The following SNTG2 variants were observed in gnomAD, a reference collection of about 807,000 sequenced individuals.
SNTG2 encodes gamma-2-syntrophin.
SNTG2 carries 74 observed loss-of-function variants against 70.9 expected under a neutral mutation model. The observed-to-expected ratio is 1.04, with a 90% CI of 0.86 to 1.27. SNTG2 has a LOEUF of 1.27. SNTG2 is among the 50% of genes most tolerant of loss of function. SNTG2 has a pLI of 0.00. For missense variants in SNTG2, 717 were observed against 690.7 expected, an observed-to-expected ratio of 1.04 and a Z score of -0.43; for synonymous variants, 278 against 273.8, an observed-to-expected ratio of 1.02 and a Z score of -0.15.
chr2:1,268,102 A>G (rs1277028467), intron 14 of SNTG2, among the ~76,000 whole-genome samples: 1 of 152,202 alleles, frequency 6.6e-6, no homozygotes, highest in Non-Finnish European at 1.5e-5. Flanking sequence ...TTGAATGTAT[A>G]CCATGTGAAG....
At chr2:1,295,536 A>G (rs569595581) in intron 14 of SNTG2, among the ~76,000 whole-genome samples, 16 of 152,362 alleles carry the variant, frequency 1.1e-4, no homozygotes, top group Admixed American at 2.0e-4. Context: ...TTCGAGTGAC[A>G]TAGGAATGAC....
intron 9 of SNTG2, 33 bp from the exon 10 acceptor site, chr2:1,237,855 C>A: frequency 6.3e-7 from 1 of 1,576,588 alleles, no homozygotes; most frequent in Non-Finnish European, 8.6e-7. Flanking sequence ...CCCGTCGCTG[C>A]GGGGCCTCCT....
At chr2:1,084,476 T>G (rs991867797) in intron 2 of SNTG2, among the ~76,000 whole-genome samples, 2 of 152,078 alleles carry the variant, frequency 1.3e-5, no homozygotes, top group Admixed American at 6.5e-5. Context: ...GCCCTCCTGC[T>G]CCCCAACATG....
intron 6 of SNTG2, chr2:1,163,687 T>C (rs765487548): frequency 6.6e-6 from 1 of 152,332 alleles, no homozygotes; most frequent in Non-Finnish European, 1.5e-5. Flanking sequence ...TTTCTGCAGA[T>C]GTGTTTCCAG....
chr2:1,106,036 C>G (rs553878065), intron 4 of SNTG2, among the ~76,000 whole-genome samples: 2 of 148,028 alleles, frequency 1.4e-5, no homozygotes, highest in African/African-American at 2.5e-5. Flanking sequence ...TGCTGTCACT[C>G]GGGTGCAGGG....
At chr2:1,074,080 CAGTA>C (rs1663759597) in intron 1 of SNTG2, among the ~76,000 whole-genome samples, 1 of 152,198 alleles carries the variant, frequency 6.6e-6, no homozygotes, top group Non-Finnish European at 1.5e-5. Flanking sequence ...TTCCCAGACT[CAGTA>C]AGTGGCTGGT....
At chr2:1,145,980 G>A (rs546674744) in intron 6 of SNTG2, among the ~76,000 whole-genome samples, 27 of 152,122 alleles carry the variant, frequency 1.8e-4, no homozygotes, top group Non-Finnish European at 3.4e-4. Flanking sequence ...TGCAGGAAAA[G>A]CATTCCACAA....
chr2:982,907 G>T (rs930074105), intron 1 of SNTG2, among the ~76,000 whole-genome samples: 1 of 152,108 alleles, frequency 6.6e-6, no homozygotes, highest in Non-Finnish European at 1.5e-5. Context: ...GGGAATCTGT[G>T]CAACAAATGG....
chr2:1,205,794 T>A (rs1673597710), intron 8 of SNTG2, among the ~76,000 whole-genome samples: 2 of 152,156 alleles, frequency 1.3e-5, no homozygotes, highest in African/African-American at 4.8e-5. Flanking sequence ...TTGGGAAATG[T>A]TTTTCTCTAA....
intron 1 of SNTG2, among the ~76,000 whole-genome samples, chr2:1,036,991 TG>T (rs67961237): frequency 0.44 from 66,518 of 152,058 alleles, 15,656 homozygotes; most frequent in African/African-American, 0.61. Flanking sequence ...GAGGGCAGTA[TG>T]GGGTGGACTC....
intron 4 of SNTG2, chr2:1,103,364 A>G: frequency 3.5e-6 from 1 of 285,272 alleles, no homozygotes; most frequent in South Asian, 3.4e-5. Context: ...TCAAATAAAT[A>G]ATGATTATAA....
At chr2:1,174,977 T>C (rs994709624) in intron 8 of SNTG2, among the ~76,000 whole-genome samples, 1 of 152,206 alleles carries the variant, frequency 6.6e-6, no homozygotes, top group African/African-American at 2.4e-5. Context: ...TAACTTGGCT[T>C]TTTCATTTTG....
chr2:1,312,570 G>C (rs1035818865), intron 15 of SNTG2, among the ~76,000 whole-genome samples: 1 of 152,232 alleles, frequency 6.6e-6, no homozygotes, highest in African/African-American at 2.4e-5. Context: ...CATACGTGTA[G>C]GACCAAGAGC....
At chr2:1,126,163 C>T (rs1667687169) in intron 4 of SNTG2, among the ~76,000 whole-genome samples, 1 of 152,160 alleles carries the variant, frequency 6.6e-6, no homozygotes. Context: ...CTCCCCTTCC[C>T]AACATCTAGT....
intron 1 of SNTG2, among the ~76,000 whole-genome samples, chr2:952,311 A>T (rs553486674): frequency 7.9e-5 from 12 of 152,202 alleles, no homozygotes; most frequent in Non-Finnish European, 1.5e-4. Context: ...CAGCTTTATA[A>T]TGATGCCCTC....
chr2:997,343 G>A (rs965667620), intron 1 of SNTG2, among the ~76,000 whole-genome samples: 12 of 151,854 alleles, frequency 7.9e-5, no homozygotes, highest in African/African-American at 2.7e-4. Flanking sequence ...ATGTGTCAGG[G>A]CTGAGAATGG....
intron 4 of SNTG2, among the ~76,000 whole-genome samples, chr2:1,134,716 C>T (rs2148323754): frequency 6.6e-6 from 1 of 152,330 alleles, no homozygotes; most frequent in African/African-American, 2.4e-5. Context: ...AGTCCTGCCC[C>T]TGCGCCCGCA....
intron 4 of SNTG2, among the ~76,000 whole-genome samples, chr2:1,116,806 ACGGGTTTCCTGGTCTGTGG>A (rs1667024891): frequency 1.5e-5 from 1 of 64,580 alleles, no homozygotes; most frequent in Non-Finnish European, 3.0e-5. Flanking sequence ...GCCCTGGTTT[ACGGGTTTCCTGGTCTGTGG>A]GTGCCCTGGT....
chr2:1,147,362 G>A (rs897417966), intron 6 of SNTG2, among the ~76,000 whole-genome samples: 5 of 152,162 alleles, frequency 3.3e-5, no homozygotes, highest in Admixed American at 3.3e-4. Flanking sequence ...CTTAATTTGG[G>A]TGAGCACCAT....
Sources: allele counts gnomAD v4.1 joint callset (sites outside exome capture counted in the v4.1 genomes callset), GRCh38; gene constraint gnomAD v4.1.1; transcripts MANE v1.5; gene names NCBI Gene and HGNC (gene_info 2026-07-23, HGNC 2026-07-21).